LYPLAL1: variants seen among roughly 807,000 people sequenced by gnomAD.
LYPLAL1 encodes lysophospholipase-like protein 1.
Under a neutral mutation model 19.7 loss-of-function variants are expected in LYPLAL1, and 23 were observed. That is an observed-to-expected ratio of 1.17 (90% CI 0.84 to 1.65). The LOEUF (loss-of-function observed/expected upper bound fraction) is 1.65, where lower values mean the gene tolerates loss of function less well. LYPLAL1 is among the 40% of genes most tolerant of loss of function. LYPLAL1 has a pLI of 0.00. For synonymous variants in LYPLAL1, 119 were observed against 96.3 expected, an observed-to-expected ratio of 1.24 and a Z score of -1.38; for missense variants, 355 against 279.4, an observed-to-expected ratio of 1.27 and a Z score of -1.93.
the LYPLAL1 span, among the ~76,000 whole-genome samples, chr1:219,353,052 A>C: frequency 6.6e-6 from 1 of 152,218 alleles, no homozygotes; most frequent in Non-Finnish European, 1.5e-5. Flanking sequence ...ATTATGAGAC[A>C]ATTTTAAGAC....
the LYPLAL1 span, among the ~76,000 whole-genome samples, chr1:219,241,085 A>T: frequency 8.5e-6 from 1 of 118,326 alleles, no homozygotes. Flanking sequence ...ATATATATAA[A>T]TAAATATATA....
At chr1:219,422,426 A>G in the LYPLAL1 span, among the ~76,000 whole-genome samples, 49 of 152,302 alleles carry the variant, frequency 3.2e-4, no homozygotes, top group South Asian at 9.1e-3. Flanking sequence ...CAAGGGTGGC[A>G]GAGGAGGGTA....
chr1:219,332,554 T>C, the LYPLAL1 span, among the ~76,000 whole-genome samples: 2 of 152,136 alleles, frequency 1.3e-5, no homozygotes, highest in Non-Finnish European at 2.9e-5. Context: ...TTGAAACAAC[T>C]TCTCATTGGA....
At chr1:219,372,766 T>A in the LYPLAL1 span, among the ~76,000 whole-genome samples, 1 of 152,118 alleles carries the variant, frequency 6.6e-6, no homozygotes, top group Admixed American at 6.5e-5. Context: ...TGGCCAAGCA[T>A]GGTGATATGC....
the LYPLAL1 span, among the ~76,000 whole-genome samples, chr1:219,333,306 G>T: frequency 6.6e-6 from 1 of 151,910 alleles, no homozygotes; most frequent in South Asian, 2.1e-4. Context: ...CATTACTCTG[G>T]CTACCATAGC....
At chr1:219,243,324 C>G in the LYPLAL1 span, among the ~76,000 whole-genome samples, 40 of 151,682 alleles carry the variant, frequency 2.6e-4, no homozygotes, top group Non-Finnish European at 5.4e-4. Flanking sequence ...AGGCCTGTGT[C>G]TAGAAGAACA....
At chr1:219,234,912 T>C in the LYPLAL1 span, among the ~76,000 whole-genome samples, 3 of 152,186 alleles carry the variant, frequency 2.0e-5, no homozygotes, top group Non-Finnish European at 4.4e-5. Context: ...GAATTTCATC[T>C]TTTAAAAATT....
chr1:219,256,664 G>A, the LYPLAL1 span, among the ~76,000 whole-genome samples: 2 of 151,722 alleles, frequency 1.3e-5, no homozygotes, highest in South Asian at 2.1e-4. Context: ...TTGTTTAGAC[G>A]GATATTCAGT....
chr1:219,280,898 A>C, the LYPLAL1 span, among the ~76,000 whole-genome samples: 2,459 of 152,220 alleles, frequency 0.016, 18 homozygotes, highest in Non-Finnish European at 0.023. Context: ...AAAATACAAA[A>C]ATTAGCCAAG....
chr1:219,342,509 T>G, the LYPLAL1 span, among the ~76,000 whole-genome samples: 1 of 152,104 alleles, frequency 6.6e-6, no homozygotes, highest in Non-Finnish European at 1.5e-5. Context: ...AGCAACAAAC[T>G]CCATTGTCTC....
At chr1:219,228,059 C>T in the LYPLAL1 span, among the ~76,000 whole-genome samples, 3 of 152,120 alleles carry the variant, frequency 2.0e-5, no homozygotes, top group East Asian at 3.9e-4. Context: ...GGTAGAGAGA[C>T]GGCTTCAGCG....
At chr1:219,426,801 G>A in the LYPLAL1 span, among the ~76,000 whole-genome samples, 1 of 152,128 alleles carries the variant, frequency 6.6e-6, no homozygotes, top group Admixed American at 6.5e-5. Context: ...TTTTTGCCAT[G>A]TTGGCCAGGC....
the LYPLAL1 span, among the ~76,000 whole-genome samples, chr1:219,401,516 GAT>G: frequency 1.3e-5 from 2 of 150,754 alleles, no homozygotes; most frequent in African/African-American, 4.9e-5. Context: ...CAATTTTTGT[GAT>G]AAATTTTATA....
chr1:219,362,958 A>G, the LYPLAL1 span, among the ~76,000 whole-genome samples: 1 of 152,094 alleles, frequency 6.6e-6, no homozygotes, highest in Non-Finnish European at 1.5e-5. Context: ...ATGCAAAAAA[A>G]AAAATAACAA....
chr1:219,390,825 C>G, the LYPLAL1 span, among the ~76,000 whole-genome samples: 1 of 152,206 alleles, frequency 6.6e-6, no homozygotes, highest in Non-Finnish European at 1.5e-5. Context: ...ATAGGGGTGG[C>G]AACTTCATTG....
At chr1:219,308,538 C>T in the LYPLAL1 span, among the ~76,000 whole-genome samples, 1 of 152,182 alleles carries the variant, frequency 6.6e-6, no homozygotes. Context: ...CGAGGGCCCC[C>T]ATGCTGTGTG....
At chr1:219,219,478 G>C in the LYPLAL1 span, among the ~76,000 whole-genome samples, 1 of 152,216 alleles carries the variant, frequency 6.6e-6, no homozygotes, top group Non-Finnish European at 1.5e-5. Flanking sequence ...CACAGGAACA[G>C]GTGACCATGT....
chr1:219,349,329 T>C, the LYPLAL1 span, among the ~76,000 whole-genome samples: 25 of 152,324 alleles, frequency 1.6e-4, no homozygotes, highest in South Asian at 5.0e-3. Flanking sequence ...ACCTAGAAGT[T>C]GATAACACAG....
the LYPLAL1 span, among the ~76,000 whole-genome samples, chr1:219,241,914 G>A: frequency 6.6e-6 from 1 of 152,146 alleles, no homozygotes; most frequent in East Asian, 1.9e-4. Context: ...TTTAAAGTGT[G>A]ATTACAGATG....
Sources: allele counts gnomAD v4.1 joint callset (sites outside exome capture counted in the v4.1 genomes callset), GRCh38; gene constraint gnomAD v4.1.1; transcripts MANE v1.5; gene names NCBI Gene and HGNC (gene_info 2026-07-23, HGNC 2026-07-21).